Variants in DDX31 observed in about 807,000 individuals in gnomAD.
DDX31 encodes DEAD-box helicase 31, also known as ATP-dependent DNA helicase DDX31.
In DDX31, 70 loss-of-function variants were observed where a neutral mutation model predicts 91.3. That is an observed-to-expected ratio of 0.77 (90% CI 0.63 to 0.94). The LOEUF (loss-of-function observed/expected upper bound fraction) is 0.94. Among genes scored for constraint, DDX31 ranks in the 40% least tolerant of loss-of-function variants. DDX31 has a pLI of 0.00. For synonymous variants in DDX31, 362 were observed against 350.6 expected, an observed-to-expected ratio of 1.03 and a Z score of -0.36; for missense variants, 902 against 925.0, an observed-to-expected ratio of 0.98 and a Z score of 0.32.
chr9:132,652,849 A>G (rs540677668), intron 6 of DDX31, among the ~76,000 whole-genome samples: 3 of 152,260 alleles, frequency 2.0e-5, no homozygotes, highest in South Asian at 4.2e-4. Flanking sequence ...TGCTGCTGCC[A>G]TGTAAGAAAT....
chr9:132,595,254 TTG>T lies in DDX31; in HGVS notation c.1995-144_1995-143del. The T allele has an allele frequency of 9.6e-7, 1 of 1,036,952 alleles. No individual in the cohort carries two copies. The highest frequency in any genetic ancestry group is 1.4e-6 in the Non-Finnish European group (1 of 733,218). The allele number at this position is 1,036,952 out of a possible 1,614,324, so 64.2% of individuals were successfully genotyped here. ...AGAAGTACAATCCCTTCAATAGTAC[TTG>T]TTTTGATATTCGATGCACCAGAAGA... On this transcript the variant is annotated intron_variant, in intron 19 of 19. Transcript: ENST00000372159. This position sits in a 1 kb window ranked among gnomAD's most constrained non-coding sequence, Gnocchi z 4.6.
At chr9:132,605,592 A>G (rs1830967460) in intron 19 of DDX31, among the ~76,000 whole-genome samples, 1 of 152,158 alleles carries the variant, frequency 6.6e-6, no homozygotes, top group Non-Finnish European at 1.5e-5. Flanking sequence ...GCAGACGCTG[A>G]CCACACATAC....
At chr9:132,620,311 T>C (rs1006952846) in intron 17 of DDX31, among the ~76,000 whole-genome samples, 1 of 152,034 alleles carries the variant, frequency 6.6e-6, no homozygotes, top group Non-Finnish European at 1.5e-5. Context: ...GTGACTTGCT[T>C]CTGTGTCACA....
At chr9:132,650,592 C>T (rs1226739706) in intron 8 of DDX31, among the ~76,000 whole-genome samples, 2 of 152,178 alleles carry the variant, frequency 1.3e-5, no homozygotes, top group Non-Finnish European at 2.9e-5. Flanking sequence ...GAACTGAAAA[C>T]ACATGTCAGT....
intron 14 of DDX31, among the ~76,000 whole-genome samples, 175 bp from the exon 15 acceptor site, chr9:132,632,266 A>ACACACACACACACACACACACAGTCCTG (rs1832822620): frequency 7.1e-6 from 1 of 141,602 alleles, no homozygotes; most frequent in Non-Finnish European, 1.5e-5. Context: ...ACACACACAC[A>ACACACACACACACACACACACAGTCCTG]CACACACACA....
At chr9:132,647,944 G>A (rs532945924) in intron 11 of DDX31, among the ~76,000 whole-genome samples, 451 of 152,158 alleles carry the variant, frequency 3.0e-3, no homozygotes, top group Non-Finnish European at 4.7e-3. Context: ...GTCTTTTCTC[G>A]TCCTCATCCC....
chr9:132,650,405 C>G, intron 8 of DDX31, 107 bp from the exon 9 acceptor site: 1 of 1,007,464 alleles, frequency 9.9e-7, no homozygotes. Context: ...AAAACTGGTG[C>G]TTCTCATTGT....
At chr9:132,659,025 CT>C (rs1192640636) in intron 5 of DDX31, among the ~76,000 whole-genome samples, 1 of 152,220 alleles carries the variant, frequency 6.6e-6, no homozygotes, top group Non-Finnish European at 1.5e-5. Context: ...AGAAGCTCAA[CT>C]TGATGGCTGT....
intron 18 of DDX31, among the ~76,000 whole-genome samples, chr9:132,617,159 G>T (rs901695627): frequency 1.3e-5 from 2 of 152,070 alleles, no homozygotes; most frequent in African/African-American, 4.8e-5. Flanking sequence ...CCTTCCTCGA[G>T]CTCGTCTGCA....
At position 132,595,007 on chromosome 9, in the gene DDX31, T is replaced by C. The variant is rs201737152; in HGVS notation, c.2100A>G (p.Gln700=). ...GGCCACCAGGCTCTCCAGGTGCGTT[T>C]TGCTTTTTGACCTTGGCGATGTCGG... ...MEADIAKVKK[Q]NAPGEPGGRP... Residue 700 remains glutamine (Q), a synonymous_variant, in exon 20 of 20, where the codon CAA becomes CAG. Coordinates refer to ENST00000372159, the MANE Select transcript of DDX31 (RefSeq NM_022779.9). This position sits in a 1 kb window ranked among gnomAD's most constrained non-coding sequence, Gnocchi z 4.6. 2.7e-4 allele frequency: 429 copies of C among 1,614,112 alleles called. 1 individual carries two copies. The highest frequency in any genetic ancestry group is 3.5e-4 in the Non-Finnish European group (417 of 1,180,044).
At chr9:132,664,604 G>A (rs968663042) in intron 1 of DDX31, among the ~76,000 whole-genome samples, 2 of 151,648 alleles carry the variant, frequency 1.3e-5, no homozygotes, top group Non-Finnish European at 2.9e-5. Flanking sequence ...CAGCTACCTG[G>A]AGGCTAAGTT....
intron 1 of DDX31, chr9:132,663,246 C>G (rs1475332851): frequency 7.8e-7 from 1 of 1,289,096 alleles, no homozygotes; most frequent in African/African-American, 1.5e-5. Flanking sequence ...GCCTGGATCT[C>G]TCTCATTCTC....
At chr9:132,628,998 T>A (rs1832563054) in intron 16 of DDX31, among the ~76,000 whole-genome samples, 1 of 152,254 alleles carries the variant, frequency 6.6e-6, no homozygotes, top group Non-Finnish European at 1.5e-5. Flanking sequence ...CCAGCGGGCT[T>A]GCATTTTACC....
At chr9:132,662,718 G>C (rs1564341785) in intron 1 of DDX31, 23 bp from the exon 2 acceptor site, 1 of 1,613,440 alleles carries the variant, frequency 6.2e-7, no homozygotes, top group Admixed American at 1.7e-5. Context: ...CAGAAGGAAA[G>C]ATCAACAAGA....
chr9:132,642,619 C>T (rs950412398), intron 13 of DDX31, among the ~76,000 whole-genome samples: 31 of 150,742 alleles, frequency 2.1e-4, no homozygotes, highest in South Asian at 8.4e-4. Context: ...TTATGCATAA[C>T]ATAACCAAAT....
At chr9:132,645,277 C>A (rs1001996233) in intron 13 of DDX31, among the ~76,000 whole-genome samples, 14 of 152,126 alleles carry the variant, frequency 9.2e-5, no homozygotes, top group Admixed American at 6.5e-4. Context: ...ACTCACATAG[C>A]CAAGTCCCTA....
intron 1 of DDX31, among the ~76,000 whole-genome samples, chr9:132,667,463 T>C (rs1330447516): frequency 2.0e-5 from 3 of 151,588 alleles, no homozygotes; most frequent in Admixed American, 6.6e-5. Flanking sequence ...ATTAGCCGGG[T>C]GTGGTGGTGG....
chr9:132,603,925 C>A (rs924025629), intron 19 of DDX31, among the ~76,000 whole-genome samples: 1 of 152,004 alleles, frequency 6.6e-6, no homozygotes, highest in Non-Finnish European at 1.5e-5. Flanking sequence ...GTTTGTTCCA[C>A]GAGGAAGCAG....
chr9:132,631,439 C>A (rs1832712124), intron 15 of DDX31, among the ~76,000 whole-genome samples: 1 of 152,206 alleles, frequency 6.6e-6, no homozygotes, highest in South Asian at 2.1e-4. Flanking sequence ...CAGTGACAGG[C>A]ATGCAATCCC....
Sources: gnomAD v4.1 joint callset for allele counts (sites outside exome capture counted in the v4.1 genomes callset) on GRCh38, gnomAD v4.1.1 for gene constraint, Gnocchi (gnomAD v3.1) non-coding constraint, MANE v1.5 for transcripts, NCBI Gene and HGNC (gene_info 2026-07-23, HGNC 2026-07-21) for gene names.